The following CAMTA1 variants were observed in gnomAD, a reference collection of about 807,000 sequenced individuals.
CAMTA1 encodes the protein calmodulin binding transcription activator 1, also known as calmodulin-binding transcription activator 1.
Under a neutral mutation model 170.9 loss-of-function variants are expected in CAMTA1, and 27 were observed. That is an observed-to-expected ratio of 0.16 (90% CI 0.12 to 0.22). The LOEUF (loss-of-function observed/expected upper bound fraction) is 0.22. Ranked by LOEUF, CAMTA1 falls within the 10% of genes least tolerant of loss-of-function variation. CAMTA1 has a pLI of 1.00. For missense variants in CAMTA1, 1,619 were observed against 2,217.2 expected (o/e 0.73, Z 5.42); for synonymous variants, 833 against 891.5 (o/e 0.93, Z 1.17).
chr1:7,299,031 G>A lies in CAMTA1; in HGVS notation c.438+49405G>A, dbSNP rs2149539958. 6.6e-6 allele frequency among the ~76,000 whole-genome samples: 1 copy of A among 152,304 alleles called. No individual in the cohort carries two copies. Among genetic ancestry groups the A allele is most frequent in the African/African-American group, 2.4e-5 (1 of 41,576 alleles). On this transcript the variant is annotated intron_variant, in intron 5 of 22. Transcript: ENST00000303635. The surrounding 1 kb of genome is among the most constrained non-coding windows in gnomAD (Gnocchi z 4.7). The stretch of plus-strand genomic sequence containing the variant: ...CCAAGATGATGAAGTCAGATGTCCT[G>A]AGTTTGCATCTTGCCTCTCCACTGA...
rs1481620164 is a variant in CAMTA1 at position 7,546,245 on chromosome 1, T to G, written c.510+78344T>G. Among the ~76,000 whole-genome samples the G allele has an allele frequency of 2.6e-5, 4 of 152,188 alleles. No homozygotes were observed. The East Asian group carries it at 7.7e-4, about 29-fold the overall frequency. ...TGCTGGGATTACAGGCGTGAGCCAC[T>G]GCGCCCGGCCTGGTTTTCTATTCCT... is the stretch of plus-strand genomic sequence containing the variant. On this transcript the variant is annotated intron_variant, in intron 6 of 22. Coordinates refer to ENST00000303635, the MANE Select transcript of CAMTA1 (RefSeq NM_015215.4).
intron 7 of CAMTA1, among the ~76,000 whole-genome samples, chr1:7,654,228 A>C (rs2095864785): frequency 6.6e-6 from 1 of 151,686 alleles, no homozygotes; most frequent in East Asian, 1.9e-4. Flanking sequence ...TAAAAATACA[A>C]AACTTAGCCA....
At chr1:7,233,742 A>T (rs749279670) in intron 4 of CAMTA1, among the ~76,000 whole-genome samples, 1 of 152,106 alleles carries the variant, frequency 6.6e-6, no homozygotes, top group Non-Finnish European at 1.5e-5. Flanking sequence ...TTCTCGGAGG[A>T]TCCACAAAGC....
At chr1:7,068,123 AT>A (rs1367797565) in intron 3 of CAMTA1, among the ~76,000 whole-genome samples, 2 of 152,088 alleles carry the variant, frequency 1.3e-5, no homozygotes, top group Non-Finnish European at 2.9e-5. Flanking sequence ...CTTTAAGGTA[AT>A]TTAGGTTGGA....
chr1:7,016,858 GAA>G (rs1321725461), intron 3 of CAMTA1, among the ~76,000 whole-genome samples: 2 of 151,692 alleles, frequency 1.3e-5, no homozygotes, highest in African/African-American at 4.8e-5. Context: ...AAAAGGAAAA[GAA>G]AAAAAAGATT....
rs148079819 is a variant in CAMTA1 at position 7,161,060 on chromosome 1, C to T, written c.302+69689C>T. ...CTCTTCTCCTTGCTCCCTCTCTTGCCCTCCTCTACTTCATTCTATAAACCT... is the reference window on the plus strand; with the variant it reads ...CTCTTCTCCTTGCTCCCTCTCTTGCTCTCCTCTACTTCATTCTATAAACCT... On this transcript the variant is annotated intron_variant, in intron 4 of 22. Transcript: ENST00000303635. Among the ~76,000 whole-genome samples, 229 of 152,244 alleles carry T rather than the reference C, an allele frequency of 1.5e-3. 1 individual carries two copies. The highest frequency in any genetic ancestry group is 2.7e-3 in the Non-Finnish European group (184 of 68,018).
At chr1:7,528,380 A>G (rs565847392) in intron 6 of CAMTA1, among the ~76,000 whole-genome samples, 36 of 152,314 alleles carry the variant, frequency 2.4e-4, no homozygotes, top group African/African-American at 8.2e-4. Flanking sequence ...AAATTAAAAT[A>G]GCTTCAAGGC....
intron 6 of CAMTA1, among the ~76,000 whole-genome samples, chr1:7,501,814 G>T (rs2094010173): frequency 6.6e-6 from 1 of 152,080 alleles, no homozygotes; most frequent in Admixed American, 6.5e-5. Context: ...AATAGAGTCT[G>T]GGGGTTCTAG....
At chr1:7,261,978 A>ATGCT (rs147297458) in intron 5 of CAMTA1, among the ~76,000 whole-genome samples, 4,422 of 152,316 alleles carry the variant, frequency 0.029, 190 homozygotes, top group African/African-American at 0.094. Context: ...ACCCGTCTAC[A>ATGCT]TGCTGTGCAG....
At chr1:7,270,227 A>T (rs1437195513) in intron 5 of CAMTA1, among the ~76,000 whole-genome samples, 1 of 87,250 alleles carries the variant, frequency 1.1e-5, no homozygotes, top group Non-Finnish European at 2.1e-5. Context: ...ATATACATAT[A>T]TATACACATA....
At chr1:7,684,690 ATTACTAATTACATTTGTAAT>A (rs1203494648) in intron 11 of CAMTA1, among the ~76,000 whole-genome samples, 1 of 152,216 alleles carries the variant, frequency 6.6e-6, no homozygotes, top group Non-Finnish European at 1.5e-5. Flanking sequence ...GTCTTAATGA[ATTACTAATTACATTTGTAAT>A]TTACTAATTA....
chr1:7,035,570 G>GT (rs1703467696), intron 3 of CAMTA1, among the ~76,000 whole-genome samples: 1 of 152,222 alleles, frequency 6.6e-6, no homozygotes, highest in Non-Finnish European at 1.5e-5. Flanking sequence ...GGCCCCAGCA[G>GT]TTTTACCCAC....
chr1:7,076,222 T>C (rs990623770), intron 3 of CAMTA1, among the ~76,000 whole-genome samples: 1 of 152,226 alleles, frequency 6.6e-6, no homozygotes, highest in African/African-American at 2.4e-5. Flanking sequence ...GGCCTCGTTT[T>C]ATTGGAACCT....
intron 5 of CAMTA1, among the ~76,000 whole-genome samples, chr1:7,380,219 G>T (rs112123556): frequency 6.6e-6 from 1 of 152,132 alleles, no homozygotes; most frequent in Non-Finnish European, 1.5e-5. Context: ...TTTTCCTGTA[G>T]GCTCAGAAAG....
intron 3 of CAMTA1, among the ~76,000 whole-genome samples, chr1:6,975,966 G>A (rs1034865295): frequency 6.6e-6 from 1 of 152,116 alleles, no homozygotes; most frequent in African/African-American, 2.4e-5. Flanking sequence ...TCCCTGCCGC[G>A]GCGAGCGTCA....
intron 6 of CAMTA1, among the ~76,000 whole-genome samples, chr1:7,590,014 GATCGC>G (rs1183975957): frequency 2.0e-5 from 3 of 152,168 alleles, no homozygotes; most frequent in Non-Finnish European, 4.4e-5. Context: ...GGCTTGGTAC[GATCGC>G]ATGGAGCTTG....
chr1:7,507,320 G>A lies in CAMTA1; in HGVS notation c.510+39419G>A, dbSNP rs114090665. Among the ~76,000 whole-genome samples, 1,081 of 152,146 alleles carry A rather than the reference G, an allele frequency of 7.1e-3. 15 individuals carry two copies. The highest frequency in any genetic ancestry group is 0.024 in the African/African-American group (1,009 of 41,518). Reference sequence around the variant, plus strand: ...ACACCCCTACCAGCTCCAGCTCTCCGGCTCTCCCTGCCTCCTGGCTGCTCT... The same window carrying A: ...ACACCCCTACCAGCTCCAGCTCTCCAGCTCTCCCTGCCTCCTGGCTGCTCT... On this transcript the variant is annotated intron_variant, in intron 6 of 22. Coordinates refer to ENST00000303635, the MANE Select transcript of CAMTA1 (RefSeq NM_015215.4).
chr1:7,755,188 G>T (rs139347174), intron 21 of CAMTA1, among the ~76,000 whole-genome samples: 1,707 of 152,022 alleles, frequency 0.011, 19 homozygotes, highest in Non-Finnish European at 0.02. Flanking sequence ...TTAGCTGGGC[G>T]TGGTGGTACG....
intron 6 of CAMTA1, among the ~76,000 whole-genome samples, chr1:7,478,664 G>A (rs1376523871): frequency 1.3e-5 from 2 of 152,056 alleles, no homozygotes; most frequent in South Asian, 2.1e-4. Context: ...CTAAACAATC[G>A]CTTTTCATAT....
Sources: allele counts gnomAD v4.1 joint callset (sites outside exome capture counted in the v4.1 genomes callset), GRCh38; gene constraint gnomAD v4.1.1; non-coding constraint Gnocchi (gnomAD v3.1); transcripts MANE v1.5; gene names NCBI Gene and HGNC (gene_info 2026-07-23, HGNC 2026-07-21).